PROSER2: variants seen among roughly 807,000 people sequenced by gnomAD.
The protein encoded by PROSER2 is proline and serine rich 2.
A neutral mutation model predicts 14.6 loss-of-function variants in PROSER2; 18 were observed. That is an observed-to-expected ratio of 1.23 (90% confidence interval 0.85 to 1.83). The LOEUF is 1.83. PROSER2 is among the 40% of genes most tolerant of loss of function. PROSER2 has a pLI of 0.00. For missense variants in PROSER2, 823 were observed against 629.8 expected (o/e 1.31, Z -3.28); for synonymous variants, 367 against 286.4 (o/e 1.28, Z -2.84).
In PROSER2 at chr10:11,830,389, CGTG is replaced by C. The variant is rs1327412601; in HGVS notation, c.-82+6923_-82+6925del. On this transcript the variant is annotated intron_variant, in intron 1 of 3. Coordinates refer to ENST00000277570, the MANE Select transcript of PROSER2 (RefSeq NM_153256.4). The surrounding 1 kb of genome is among the most constrained non-coding windows in gnomAD (Gnocchi z 4.5). ...TCATTTTTATGGCTGAGTAGTCGTC[CGTG>C]GTGTTTATATACCACATTTTCTTTA... 2.6e-5 allele frequency among the ~76,000 whole-genome samples: 4 copies of C among 152,130 alleles called. No individual in the cohort carries two copies. The highest frequency in any genetic ancestry group is 5.9e-5 in the Non-Finnish European group (4 of 68,026).
At chr10:11,843,396 T>C (rs183614886) in intron 1 of PROSER2, among the ~76,000 whole-genome samples, 2,353 of 150,266 alleles carry the variant, frequency 0.016, 64 homozygotes, top group African/African-American at 0.053. Context: ...CTACTAAAAA[T>C]ACAAAAAAAG....
chr10:11,842,940 T>TTTTTTTTTTTTTTTTTTTTTTTTTTTTTC (rs1833867272), intron 1 of PROSER2, among the ~76,000 whole-genome samples: 1 of 91,780 alleles, frequency 1.1e-5, no homozygotes, highest in Non-Finnish European at 2.4e-5. Context: ...TCTTTTTTTT[T>TTTTTTTTTTTTTTTTTTTTTTTTTTTTTC]TTTTTTTTTT....
intron 2 of PROSER2, 89 bp downstream of exon 2, chr10:11,852,304 G>C: frequency 7.2e-7 from 1 of 1,389,240 alleles, no homozygotes; most frequent in Non-Finnish European, 9.7e-7. Context: ...TATTTTACCA[G>C]ATCTTTTTGG....
At chr10:11,863,835 T>C (rs895580226) in intron 2 of PROSER2, among the ~76,000 whole-genome samples, 1 of 152,212 alleles carries the variant, frequency 6.6e-6, no homozygotes, top group African/African-American at 2.4e-5. Context: ...GATAGATAAA[T>C]GCTTTCTCTC....
rs1263412124 is a variant in PROSER2 at position 11,870,148 on chromosome 10, G to C, written c.1050G>C (p.Glu350Asp). The part of the protein sequence containing the change: ...ALANGFPSAH[E>D]ALKSAPSSFA... ...CCAACGGCTTCCCAAGTGCGCACGA[G>C]GCCCTGAAGAGCGCACCCAGCTCCT... is the stretch of plus-strand genomic sequence containing the variant. Residue 350 changes from glutamate to aspartate, a missense_variant, in exon 4 of 4, where the codon GAG (glutamate) becomes GAC (aspartate). By Grantham distance (45) the Glu-to-Asp change is conservative. Transcript: ENST00000277570. The C allele has an allele frequency of 1.3e-5, 19 of 1,432,982 alleles. No individual in the cohort carries two copies. Among genetic ancestry groups the C allele is most frequent in the Non-Finnish European group, 1.5e-5 (17 of 1,099,328 alleles). The allele number at this position is 1,432,982 out of a possible 1,614,324, so 88.8% of individuals were successfully genotyped here.
rs1487010888 is a variant in PROSER2 at position 11,842,967 on chromosome 10, G to C, written c.-81-9030G>C. Among the ~76,000 whole-genome samples the C allele has an allele frequency of 2.4e-3, 146 of 60,372 alleles. 2 individuals carry two copies. In the Admixed American group the frequency reaches 0.034, roughly 14 times the overall value. The allele number at this position is 60,372 out of a possible 152,430, so 39.6% of individuals were successfully genotyped here. A position where few individuals can be genotyped will look rare whatever the true frequency, so the allele number is the denominator to read the frequency against. On this transcript the variant is annotated intron_variant, in intron 1 of 3. Coordinates refer to ENST00000277570, the MANE Select transcript of PROSER2 (RefSeq NM_153256.4). ...TTTTTTTTTTTTTTTTTGAGATGGAGTCTTGCTCTGTCGCCCAGGCTGGAG... is the reference window on the plus strand; with the variant it reads ...TTTTTTTTTTTTTTTTTGAGATGGACTCTTGCTCTGTCGCCCAGGCTGGAG...
chr10:11,847,615 C>T (rs1833942636), intron 1 of PROSER2, among the ~76,000 whole-genome samples: 1 of 152,194 alleles, frequency 6.6e-6, no homozygotes, highest in South Asian at 2.1e-4. Context: ...GATGGGGTTT[C>T]ACTATGTTGG....
intron 3 of PROSER2, among the ~76,000 whole-genome samples, chr10:11,867,730 C>A (rs1430334433): frequency 6.6e-6 from 1 of 152,234 alleles, no homozygotes; most frequent in Non-Finnish European, 1.5e-5. Flanking sequence ...TTCACTCGCT[C>A]ACCACTCACG....
rs1834337765 is a variant in PROSER2 at position 11,865,967 on chromosome 10, T to G, written c.139-564T>G. ...GGGTCACTGGCTTTCCTGGGCCTTC[T>G]CAGTCAGTTTCCACCTGTCCTGCTC... On this transcript the variant is annotated intron_variant, in intron 2 of 3. Transcript: ENST00000277570. This position sits in a 1 kb window ranked among gnomAD's most constrained non-coding sequence, Gnocchi z 4.2. Among the ~76,000 whole-genome samples the G allele has an allele frequency of 6.6e-6, 1 of 152,190 alleles. No individual in the cohort carries two copies. The highest frequency in any genetic ancestry group is 2.1e-4 in the South Asian group (1 of 4,826).
At position 11,870,246 on chromosome 10, in the gene PROSER2, TC is replaced by T. The variant is rs1214865118; in HGVS notation, c.1152del (p.Arg387GlyfsTer64). 9 of 1,487,688 alleles carry T rather than the reference TC, an allele frequency of 6.0e-6. No individual in the cohort carries two copies. Among genetic ancestry groups the T allele is most frequent in the East Asian group, 5.7e-5 (2 of 35,388 alleles). The allele number at this position is 1,487,688 out of a possible 1,614,324, so 92.2% of individuals were successfully genotyped here. A position where few individuals can be genotyped will look rare whatever the true frequency, so the allele number is the denominator to read the frequency against. On this transcript the variant is annotated frameshift_variant, in exon 4 of 4. Transcript: ENST00000277570. LOFTEE classifies it high-confidence loss of function. Reference sequence around the variant, plus strand: ...CCCAGCACGCGGGCCCGTCAGAGCTTCCCCGGGCCCCGGCAGCCCAACGGCG... The same window carrying T: ...CCCAGCACGCGGGCCCGTCAGAGCTTCCCGGGCCCCGGCAGCCCAACGGCG... ...ALPSTRARQS[F>X]PGPRQPNGAQ...
Position 11,837,615 on chromosome 10 carries a change from C to T in PROSER2, c.-82+14145C>T, listed in dbSNP as rs573117334. On this transcript the variant is annotated intron_variant, in intron 1 of 3. Transcript: ENST00000277570. This position sits in a 1 kb window ranked among gnomAD's most constrained non-coding sequence, Gnocchi z 4.6. ...ATACTAAGCAAGATTGGTTCTACAT[C>T]ACTTGGTTAAGGGGAATAATTTTTC... is the stretch of plus-strand genomic sequence containing the variant. Among the ~76,000 whole-genome samples the T allele has an allele frequency of 2.6e-5, 4 of 152,174 alleles. No homozygotes were observed. The highest frequency in any genetic ancestry group is 6.5e-5 in the Admixed American group (1 of 15,278).
In PROSER2 at chr10:11,860,530, G is replaced by T. The variant is rs149785709; in HGVS notation, c.139-6001G>T. Among the ~76,000 whole-genome samples, 631 of 152,098 alleles carry T rather than the reference G, an allele frequency of 4.1e-3. 3 individuals are homozygous for T. The highest frequency in any genetic ancestry group is 6.8e-3 in the Middle Eastern group (2 of 294). ...ACTCCGGATCCTGAGGCAGAAAATT[G>T]CTTGAACCCAGGAGGCGGAGATTGC... On this transcript the variant is annotated intron_variant, in intron 2 of 3. Transcript: ENST00000277570.
rs530680051 is a variant in PROSER2 at position 11,843,664 on chromosome 10, C to T, written c.-81-8333C>T. ...TCGCACCACTGCCTTCCAATCTGGA[C>T]GACAGAGCGAGACTCTGTCTCAAAA... is the stretch of plus-strand genomic sequence containing the variant. On this transcript the variant is annotated intron_variant, in intron 1 of 3. Transcript: ENST00000277570. 6.8e-5 allele frequency among the ~76,000 whole-genome samples: 10 copies of T among 146,710 alleles called. No individual in the cohort carries two copies. The South Asian group carries it at 8.8e-4, about 13-fold the overall frequency.
rs1280113565 is a variant in PROSER2 at position 11,869,664 on chromosome 10, G to C, written c.566G>C (p.Arg189Pro). 3.7e-6 allele frequency: 6 copies of C among 1,600,740 alleles called. No individual in the cohort carries two copies. Among genetic ancestry groups the C allele is most frequent in the Non-Finnish European group, 4.3e-6 (5 of 1,174,154 alleles). Residue 189 changes from arginine (R) to proline (P), a missense_variant, in exon 4 of 4, where the codon CGC (arginine) becomes CCC (proline). Physicochemically the swap from Arg to Pro is moderately radical, Grantham distance 103. Coordinates refer to ENST00000277570, the MANE Select transcript of PROSER2 (RefSeq NM_153256.4). This position sits in a 1 kb window ranked among gnomAD's most constrained non-coding sequence, Gnocchi z 4.4. ...SPPVEHPRLL[R>P]SVPTPLVMAQ... ...CCGGTGGAGCACCCCAGACTCCTGC[G>C]CTCTGTTCCCACGCCCCTCGTTATG... is the stretch of plus-strand genomic sequence containing the variant.
At chr10:11,860,404 C>A (rs993000095) in intron 2 of PROSER2, among the ~76,000 whole-genome samples, 2 of 151,904 alleles carry the variant, frequency 1.3e-5, no homozygotes, top group Non-Finnish European at 1.5e-5. Context: ...ATCACGAGGT[C>A]AGGAGTTCGA....
Position 11,852,066 on chromosome 10 carries a change from G to A in PROSER2, c.-12G>A. ...TTCCTGTGATCGAGCCGGCCCTGAG[G>A]ACTCTGTGGAGATGCCTGTAACCCA... is the stretch of plus-strand genomic sequence containing the variant. On this transcript the variant is annotated 5_prime_UTR_variant, in exon 2 of 4. Coordinates refer to ENST00000277570, the MANE Select transcript of PROSER2 (RefSeq NM_153256.4). 1.2e-6 allele frequency: 2 copies of A among 1,601,520 alleles called. No homozygotes were observed. The highest frequency in any genetic ancestry group is 2.2e-5 in the East Asian group (1 of 44,514).
chr10:11,833,386 T>A (rs1833714920), intron 1 of PROSER2, among the ~76,000 whole-genome samples: 1 of 151,466 alleles, frequency 6.6e-6, no homozygotes, highest in South Asian at 2.1e-4. Context: ...CCAAAAAAAT[T>A]TTTTTAATTA....
rs548694575 is a variant in PROSER2, at chr10:11,830,964, C to T, written c.-82+7494C>T. The stretch of plus-strand genomic sequence containing the variant: ...GCCTCACCTTACTGACATCATCCAT[C>T]ATCTGGCTCGCAAAGGGACTGGTGG... On this transcript the variant is annotated intron_variant, in intron 1 of 3. Transcript: ENST00000277570. This position sits in a 1 kb window ranked among gnomAD's most constrained non-coding sequence, Gnocchi z 4.5. Among the ~76,000 whole-genome samples, 10 of 152,300 alleles carry T rather than the reference C, an allele frequency of 6.6e-5. No homozygotes were observed. Among genetic ancestry groups the T allele is most frequent in the African/African-American group, 9.6e-5 (4 of 41,554 alleles).
intron 2 of PROSER2, among the ~76,000 whole-genome samples, chr10:11,860,888 T>C (rs561307909): frequency 2.4e-4 from 36 of 151,462 alleles, no homozygotes; most frequent in Non-Finnish European, 5.0e-4. Context: ...GGTGAATCAC[T>C]TGAGGTCAGG....
Sources: gnomAD v4.1 joint callset for allele counts (sites outside exome capture counted in the v4.1 genomes callset) on GRCh38, gnomAD v4.1.1 for gene constraint, Gnocchi (gnomAD v3.1) non-coding constraint, MANE v1.5 for transcripts, NCBI Gene and HGNC (gene_info 2026-07-23, HGNC 2026-07-21) for gene names.